The following KIF23 variants were observed in gnomAD, a reference collection of about 807,000 sequenced individuals.
KIF23 encodes the protein kinesin family member 23, also known as kinesin-like protein KIF23.
A neutral mutation model predicts 137.5 loss-of-function variants in KIF23; 30 were observed. The ratio of observed to expected loss-of-function variants is 0.22; its 90% CI spans 0.16 to 0.30. The LOEUF is 0.30. Among genes scored for constraint, KIF23 ranks in the 10% least tolerant of loss-of-function variants. The pLI, the probability that KIF23 is intolerant of heterozygous loss-of-function variation, is 1.00. For synonymous variants in KIF23, 367 were observed against 391.1 expected (o/e 0.94, Z 0.73); for missense variants, 920 against 1,194.3 (o/e 0.77, Z 3.38).
At chr15:69,442,207 G>A (rs2057638824) in intron 19 of KIF23, among the ~76,000 whole-genome samples, 1 of 151,904 alleles carries the variant, frequency 6.6e-6, no homozygotes. Context: ...GAAGAGTTTA[G>A]GCCAGTTATT....
chr15:69,432,384 ATTG>A (rs1456299879), intron 11 of KIF23, among the ~76,000 whole-genome samples: 2 of 152,136 alleles, frequency 1.3e-5, no homozygotes, highest in Admixed American at 6.5e-5. Context: ...TATGAGAATG[ATTG>A]TTGTTCTCAT....
At chr15:69,446,531 G>T in intron 22 of KIF23, 167 bp downstream of exon 22, 1 of 638,864 alleles carries the variant, frequency 1.6e-6, no homozygotes, top group Non-Finnish European at 2.8e-6. Context: ...CACTTCATCA[G>T]GAACTCCCTT....
At chr15:69,446,779 C>A in intron 22 of KIF23, 92 bp from the exon 23 acceptor site, 1 of 1,101,410 alleles carries the variant, frequency 9.1e-7, no homozygotes. Flanking sequence ...AGCAATATTG[C>A]ATTTCACCTA....
Position 69,423,144 on chromosome 15 carries a change from C to G in KIF23, c.564-15C>G. ...TGGACTTATAACGTATACAATTGAA[C>G]TTTTCTTTTTTTAGACGACAAGTAG... On this transcript the variant is annotated splice_polypyrimidine_tract_variant and intron_variant, in intron 6 of 23. Transcript: ENST00000679126. 8.8e-7 allele frequency: 1 copy of G among 1,142,122 alleles called. No individual in the cohort carries two copies. Among genetic ancestry groups the G allele is most frequent in the African/African-American group, 1.6e-5 (1 of 63,158 alleles). The allele number at this position is 1,142,122 out of a possible 1,614,324, so 70.7% of individuals were successfully genotyped here.
In KIF23 at chr15:69,440,091, G is replaced by C; in HGVS notation, c.1929+14G>C. The C allele has an allele frequency of 6.2e-7, 1 of 1,608,148 alleles. No individual in the cohort carries two copies. The highest frequency in any genetic ancestry group is 8.5e-7 in the Non-Finnish European group (1 of 1,177,392). On this transcript the variant is annotated intron_variant, in intron 17 of 23. Transcript: ENST00000679126. Reference sequence around the variant, plus strand: ...GAGAAAGAATGTGTGAGTATCGTTTGGGTAGTGCTTGTCTCAGAGTCGGAT... The same window carrying C: ...GAGAAAGAATGTGTGAGTATCGTTTCGGTAGTGCTTGTCTCAGAGTCGGAT...
intron 3 of KIF23, among the ~76,000 whole-genome samples, chr15:69,420,462 T>C (rs1304415302): frequency 6.6e-6 from 1 of 152,190 alleles, no homozygotes; most frequent in Admixed American, 6.5e-5. Flanking sequence ...AGATTCTTTG[T>C]TCTTTTTGAA....
Position 69,436,794 on chromosome 15 carries a change from C to T in KIF23, c.1597+72C>T, listed in dbSNP as rs2057493846. 25 of 1,015,692 alleles carry T rather than the reference C, an allele frequency of 2.5e-5. No individual in the cohort carries two copies. The South Asian group carries it at 5.0e-4, about 20-fold the overall frequency. 62.9% of individuals were successfully genotyped at this position (1,015,692 alleles called of 1,614,324 possible). On this transcript the variant is annotated intron_variant, in intron 15 of 23. Transcript: ENST00000679126. ...TTTTGAGACATAGTTTCACTCTGTA[C>T]CCCAGGGTGGAGTGCAGTGGCACAA...
intron 6 of KIF23, 65 bp from the exon 7 acceptor site, chr15:69,423,094 C>T (rs530620079): frequency 1.5e-5 from 17 of 1,103,548 alleles, no homozygotes; most frequent in African/African-American, 1.1e-4. Context: ...CCACCATGCC[C>T]GGCTGGGATC....
chr15:69,418,289 C>T (rs892163975), intron 3 of KIF23, among the ~76,000 whole-genome samples: 3 of 152,158 alleles, frequency 2.0e-5, no homozygotes, highest in Admixed American at 6.5e-5. Context: ...CCTGTCTCCC[C>T]CTCCAGCTCT....
intron 23 of KIF23, 88 bp from the exon 24 acceptor site, chr15:69,447,704 G>A: frequency 7.7e-7 from 1 of 1,297,074 alleles, no homozygotes. Context: ...TAAAACAGCA[G>A]TTCTCAAAGG....
At chr15:69,435,428 C>A (rs2057453307) in intron 11 of KIF23, 55 bp from the exon 12 acceptor site, 2 of 1,360,250 alleles carry the variant, frequency 1.5e-6, no homozygotes, top group Admixed American at 3.9e-5. Context: ...ACAGAACACA[C>A]TTTAGCTACT....
intron 16 of KIF23, 73 bp from the exon 17 acceptor site, chr15:69,439,831 T>A (rs1244226240): frequency 8.4e-7 from 1 of 1,185,196 alleles, no homozygotes; most frequent in Non-Finnish European, 1.2e-6. Context: ...ATAAGCAAAT[T>A]AAGGAAGACT....
chr15:69,435,351 A>C (rs2057451959), intron 11 of KIF23, 132 bp from the exon 12 acceptor site: 2 of 677,628 alleles, frequency 3.0e-6, no homozygotes, highest in South Asian at 4.0e-5. Flanking sequence ...CTTTATATTG[A>C]GCCACAAAAA....
Position 69,416,026 on chromosome 15 carries a change from A to G in KIF23, c.44A>G (p.Lys15Arg). 1 of 1,580,300 alleles carries G rather than the reference A, an allele frequency of 6.3e-7. No individual in the cohort carries two copies. The highest frequency in any genetic ancestry group is 1.4e-5 in the African/African-American group (1 of 72,668). Residue 15 changes from lysine to arginine, a missense_variant, in exon 2 of 24, where the codon AAA becomes AGA. Around this residue, in one of 4 missense-constraint regions of KIF23, gnomAD observed 124 missense variants for 122.0 expected, o/e 1.02. Transcript: ENST00000679126. ...AAGACACCCCGGAAACCTACCGTGA[A>G]AAAAGGGTCCCAAACGAACCTTAAA... ...RAKTPRKPTV[K>R]KGSQTNLKDP...
At chr15:69,423,094 C>G in intron 6 of KIF23, 65 bp from the exon 7 acceptor site, 1 of 1,103,550 alleles carries the variant, frequency 9.1e-7, no homozygotes, top group Non-Finnish European at 1.3e-6. Context: ...CCACCATGCC[C>G]GGCTGGGATC....
At chr15:69,415,395 A>G (rs766029828) in intron 1 of KIF23, among the ~76,000 whole-genome samples, 12 of 152,256 alleles carry the variant, frequency 7.9e-5, no homozygotes, top group Non-Finnish European at 1.5e-4. Context: ...TTAAATGTAT[A>G]TCTAGCCTAT....
chr15:69,424,985 A>G (rs1359964465), intron 7 of KIF23, among the ~76,000 whole-genome samples: 7 of 152,226 alleles, frequency 4.6e-5, no homozygotes, highest in Non-Finnish European at 8.8e-5. Context: ...ATTTAGTTAT[A>G]CAAAAGAAGA....
chr15:69,421,230 A>G (rs1441492290), intron 3 of KIF23, among the ~76,000 whole-genome samples: 1 of 152,066 alleles, frequency 6.6e-6, no homozygotes, highest in Admixed American at 6.6e-5. Context: ...TCTACTAAAA[A>G]TATAAAAATT....
chr15:69,431,388 C>T (rs539818639), intron 11 of KIF23, among the ~76,000 whole-genome samples: 45 of 152,206 alleles, frequency 3.0e-4, no homozygotes, highest in African/African-American at 9.6e-4. Flanking sequence ...CCAAGGCAGG[C>T]GGATCACGAG....
Sources: allele counts gnomAD v4.1 joint callset (sites outside exome capture counted in the v4.1 genomes callset), GRCh38; gene constraint gnomAD v4.1.1; regional missense constraint gnomAD v4.1.1; transcripts MANE v1.5; gene names NCBI Gene and HGNC (gene_info 2026-07-23, HGNC 2026-07-21).